Variants in MBD5 observed in about 807,000 individuals in gnomAD.
The protein encoded by MBD5 is methyl-CpG-binding domain protein 5.
A neutral mutation model predicts 117.3 loss-of-function variants in MBD5; 13 were observed. The observed-to-expected ratio is 0.11, with a 90% CI of 0.07 to 0.18. MBD5 has a LOEUF of 0.18. Ranked by LOEUF, MBD5 falls within the 10% of genes least tolerant of loss-of-function variation. The pLI is 1.00. For synonymous variants in MBD5, 727 were observed against 766.4 expected (o/e 0.95, Z 0.85); for missense variants, 1,879 against 2,093.8 (o/e 0.90, Z 2.00).
At chr2:148,089,502 A>T (rs765123772) in intron 1 of MBD5, among the ~76,000 whole-genome samples, 4 of 152,132 alleles carry the variant, frequency 2.6e-5, no homozygotes, top group Non-Finnish European at 4.4e-5. Context: ...ACCCTCTCAG[A>T]CCACAGTGGA....
chr2:148,171,104 A>C (rs1698251761), intron 1 of MBD5, among the ~76,000 whole-genome samples: 1 of 152,234 alleles, frequency 6.6e-6, no homozygotes, highest in African/African-American at 2.4e-5. Context: ...AAAAAATCAA[A>C]GAGCAGATAA....
intron 2 of MBD5, among the ~76,000 whole-genome samples, chr2:148,225,070 T>A (rs1699788321): frequency 6.6e-6 from 1 of 152,158 alleles, no homozygotes; most frequent in Admixed American, 6.6e-5. Flanking sequence ...TACATTCAGT[T>A]TCTTTATTGG....
chr2:148,182,775 A>G (rs1044805299), intron 2 of MBD5, among the ~76,000 whole-genome samples: 8 of 152,196 alleles, frequency 5.3e-5, no homozygotes, highest in Admixed American at 3.3e-4. Flanking sequence ...ACCCTCAGGT[A>G]TACCTCAGAC....
chr2:148,340,752 A>G (rs1702922452), intron 3 of MBD5, among the ~76,000 whole-genome samples: 1 of 151,988 alleles, frequency 6.6e-6, no homozygotes, highest in South Asian at 2.1e-4. Context: ...GTTAACAGAC[A>G]AAATATAACT....
intron 2 of MBD5, among the ~76,000 whole-genome samples, chr2:148,211,849 G>A (rs1428912453): frequency 6.6e-6 from 1 of 152,158 alleles, no homozygotes; most frequent in Non-Finnish European, 1.5e-5. Context: ...AGGCACAAGC[G>A]ATGCTCCCAC....
At chr2:148,430,903 A>T (rs920679289) in intron 4 of MBD5, among the ~76,000 whole-genome samples, 1 of 152,160 alleles carries the variant, frequency 6.6e-6, no homozygotes, top group Admixed American at 6.6e-5. Flanking sequence ...AATTGAAAAG[A>T]TTTGTTTAAA....
At chr2:148,497,495 A>C (rs10803527) in intron 11 of MBD5, among the ~76,000 whole-genome samples, 144,208 of 152,096 alleles carry the variant, frequency 0.95, 68,542 homozygotes, top group Non-Finnish European at 0.99. Flanking sequence ...CAAGACTAGC[A>C]TGGGCAACAT....
chr2:148,377,644 A>C (rs747074155), intron 4 of MBD5, among the ~76,000 whole-genome samples: 17 of 152,144 alleles, frequency 1.1e-4, no homozygotes, highest in Non-Finnish European at 2.2e-4. Flanking sequence ...TTTTCATCAA[A>C]ACGTAATAAA....
intron 1 of MBD5, among the ~76,000 whole-genome samples, chr2:148,117,235 C>T (rs893374250): frequency 3.3e-5 from 5 of 150,964 alleles, no homozygotes; most frequent in African/African-American, 4.9e-5. Context: ...GAGATTATGA[C>T]GAAAAGTTAG....
chr2:148,430,004 T>C (rs1705934722), intron 4 of MBD5, among the ~76,000 whole-genome samples: 1 of 152,108 alleles, frequency 6.6e-6, no homozygotes, highest in Non-Finnish European at 1.5e-5. Context: ...TGCCTGTATA[T>C]TGATGACTAT....
At chr2:148,299,904 CTT>C (rs1701742489) in intron 3 of MBD5, among the ~76,000 whole-genome samples, 2 of 152,198 alleles carry the variant, frequency 1.3e-5, no homozygotes, top group South Asian at 2.1e-4. Flanking sequence ...GGGCCAAAAA[CTT>C]ACTGCTTTCT....
At chr2:148,463,149 G>T (rs1462886128) in intron 6 of MBD5, among the ~76,000 whole-genome samples, 1 of 152,038 alleles carries the variant, frequency 6.6e-6, no homozygotes, top group Non-Finnish European at 1.5e-5. Flanking sequence ...ATGTAAAATG[G>T]TAAAATATTA....
rs1209579086 is a variant in MBD5 at position 148,455,590 on chromosome 2, G to T, written c.-556-2613G>T. Among the ~76,000 whole-genome samples, 3 of 152,012 alleles carry T rather than the reference G, an allele frequency of 2.0e-5. 1 individual carries two copies. The highest frequency in any genetic ancestry group is 7.3e-5 in the African/African-American group (3 of 41,360). ...CCAGAACCATGTTAGAGAACTCCTG[G>T]TTTAAGCAAAACCCAGCCATCAGAT... On this transcript the variant is annotated intron_variant, in intron 4 of 13. Coordinates refer to ENST00000642680, the MANE Select transcript of MBD5 (RefSeq NM_001378120.1).
intron 3 of MBD5, among the ~76,000 whole-genome samples, chr2:148,274,192 A>C (rs975135277): frequency 6.6e-6 from 1 of 152,020 alleles, no homozygotes; most frequent in African/African-American, 2.4e-5. Flanking sequence ...ACTTTCTACT[A>C]TTCTTATCCT....
At chr2:148,409,221 C>CA (rs1705178582) in intron 4 of MBD5, among the ~76,000 whole-genome samples, 2 of 151,482 alleles carry the variant, frequency 1.3e-5, no homozygotes, top group South Asian at 4.2e-4. Flanking sequence ...CCTGTCTCTA[C>CA]AAAAAAATAA....
At chr2:148,312,012 A>G (rs1301089896) in intron 3 of MBD5, among the ~76,000 whole-genome samples, 1 of 152,178 alleles carries the variant, frequency 6.6e-6, no homozygotes, top group African/African-American at 2.4e-5. Flanking sequence ...TTCTGCAGAG[A>G]CAGCTGCTGA....
At chr2:148,320,625 G>A (rs1283767946) in intron 3 of MBD5, among the ~76,000 whole-genome samples, 2 of 152,044 alleles carry the variant, frequency 1.3e-5, no homozygotes, top group East Asian at 1.9e-4. Flanking sequence ...CAAAGTGCTG[G>A]GACTATAGGC....
At chr2:148,484,157 A>T (rs1043085431) in intron 9 of MBD5, 22 bp downstream of exon 9, 7 of 1,416,974 alleles carry the variant, frequency 4.9e-6, no homozygotes, top group South Asian at 1.6e-5. Context: ...TTTTTCACAA[A>T]TTTTTTACAA....
chr2:148,267,328 T>C (rs1700881801), intron 3 of MBD5, among the ~76,000 whole-genome samples: 1 of 152,166 alleles, frequency 6.6e-6, no homozygotes, highest in South Asian at 2.1e-4. Context: ...TTGTGAAAAT[T>C]GGGATGAAAT....
Sources: gnomAD v4.1 joint callset for allele counts (sites outside exome capture counted in the v4.1 genomes callset) on GRCh38, gnomAD v4.1.1 for gene constraint, MANE v1.5 for transcripts, NCBI Gene and HGNC (gene_info 2026-07-23, HGNC 2026-07-21) for gene names.